XKR4: variants seen among roughly 807,000 people sequenced by gnomAD.
The protein encoded by XKR4 is XK-related protein 4.
In XKR4, 12 loss-of-function variants were observed where a neutral mutation model predicts 53.9. That is an observed-to-expected ratio of 0.22 (90% CI 0.14 to 0.36). The LOEUF (loss-of-function observed/expected upper bound fraction) is 0.36. Ranked by LOEUF, XKR4 falls within the 10% of genes least tolerant of loss-of-function variation. The pLI is 1.00. For missense variants in XKR4, 799 were observed against 859.5 expected, an observed-to-expected ratio of 0.93 and a Z score of 0.88; for synonymous variants, 354 against 362.4, an observed-to-expected ratio of 0.98 and a Z score of 0.26.
intron 1 of XKR4, among the ~76,000 whole-genome samples, chr8:55,184,061 A>G (rs1413130885): frequency 6.6e-6 from 1 of 152,120 alleles, no homozygotes; most frequent in Non-Finnish European, 1.5e-5. Context: ...GAACACGTTT[A>G]TTCTGCATCT....
chr8:55,145,170 T>G (rs1167531110), intron 1 of XKR4, among the ~76,000 whole-genome samples: 1 of 152,130 alleles, frequency 6.6e-6, no homozygotes, highest in Non-Finnish European at 1.5e-5. Context: ...CATGTACTTC[T>G]GCAGGCAGAT....
chr8:55,273,016 G>A (rs1211567159), intron 1 of XKR4: 1 of 387,276 alleles, frequency 2.6e-6, no homozygotes, highest in Admixed American at 3.5e-5. Flanking sequence ...GTCTCTAAGG[G>A]TGTGATGTGG....
At chr8:55,464,558 G>T (rs1430102925) in intron 2 of XKR4, among the ~76,000 whole-genome samples, 1 of 150,202 alleles carries the variant, frequency 6.7e-6, no homozygotes, top group African/African-American at 2.4e-5. Context: ...TGAAACTTGT[G>T]CCTTTGAAAA....
At chr8:55,345,851 A>G (rs1283833714) in intron 1 of XKR4, among the ~76,000 whole-genome samples, 5 of 151,994 alleles carry the variant, frequency 3.3e-5, no homozygotes, top group African/African-American at 4.8e-5. Flanking sequence ...GACAGCCCCA[A>G]CTGTCCCCTA....
In XKR4 at chr8:55,533,576, T is replaced by C. The variant is rs1226252305; in HGVS notation, c.*9349T>C. On this transcript the variant is annotated 3_prime_UTR_variant, in exon 3 of 3. Coordinates refer to ENST00000327381, the MANE Select transcript of XKR4 (RefSeq NM_052898.2). Reference sequence around the variant, plus strand: ...AAGAGGAGGGAAGGCAGCAGTGAGCTGTCACTCAGAAATACAGTCACCACT... The same window carrying C: ...AAGAGGAGGGAAGGCAGCAGTGAGCCGTCACTCAGAAATACAGTCACCACT... 1 of 152,222 alleles carries C rather than the reference T, an allele frequency of 6.6e-6. No individual in the cohort carries two copies. Among genetic ancestry groups the C allele is most frequent in the African/African-American group, 2.4e-5 (1 of 41,464 alleles). The allele number at this position is 152,222 out of a possible 1,614,324, so 9.4% of individuals were successfully genotyped here.
At chr8:55,272,169 A>G (rs1476444376) in intron 1 of XKR4, among the ~76,000 whole-genome samples, 1 of 152,208 alleles carries the variant, frequency 6.6e-6, no homozygotes, top group Non-Finnish European at 1.5e-5. Context: ...TATGCATGAC[A>G]AGCAACTACT....
chr8:55,161,998 A>G (rs1420178781), intron 1 of XKR4, among the ~76,000 whole-genome samples: 1 of 152,190 alleles, frequency 6.6e-6, no homozygotes, highest in Admixed American at 6.5e-5. Context: ...AAGGCTTTAG[A>G]TAGAAGTGTA....
At chr8:55,371,109 T>C (rs896646048) in intron 2 of XKR4, among the ~76,000 whole-genome samples, 3 of 150,662 alleles carry the variant, frequency 2.0e-5, no homozygotes, top group Admixed American at 1.3e-4. Flanking sequence ...GAAGTAGCAA[T>C]GCCATGCTAT....
intron 2 of XKR4, among the ~76,000 whole-genome samples, chr8:55,446,863 A>T (rs1198100756): frequency 6.6e-6 from 1 of 152,222 alleles, no homozygotes; most frequent in Admixed American, 6.5e-5. Flanking sequence ...AGAGTGGAAG[A>T]TAGTCTTCAA....
intron 2 of XKR4, among the ~76,000 whole-genome samples, chr8:55,386,104 C>T (rs1036189606): frequency 3.3e-5 from 5 of 152,194 alleles, no homozygotes; most frequent in Admixed American, 2.6e-4. Context: ...CATCAAAATG[C>T]TTATCCATTT....
chr8:55,141,977 CTA>C, intron 1 of XKR4: 1 of 422,854 alleles, frequency 2.4e-6, no homozygotes, highest in Non-Finnish European at 4.8e-6. Flanking sequence ...CCCCGCCTCT[CTA>C]TTTCCAGGGG....
Position 55,103,032 on chromosome 8 carries a change from G to A in XKR4, c.544G>A (p.Ala182Thr). The change falls in exon 1 of 3, where the codon GCC becomes ACC. Residue 182 changes from alanine to threonine, a missense_variant. Ala to Thr is a moderately conservative substitution (Grantham distance 58). This residue lies in a region of XKR4 where 476 missense variants were observed against 505.4 expected (regional missense o/e 0.94). Transcript: ENST00000327381. ...STEDSATAAA[A>T]SSCPQPGADC... ...CGAGGACAGCGCCACGGCCGCTGCT[G>A]CCTCCAGCTGCCCGCAGCCTGGAGC... The A allele has an allele frequency of 1.9e-6, 3 of 1,612,534 alleles. No individual in the cohort carries two copies. The highest frequency in any genetic ancestry group is 2.5e-6 in the Non-Finnish European group (3 of 1,179,758).
chr8:55,172,913 C>T (rs1817182379), intron 1 of XKR4, among the ~76,000 whole-genome samples: 1 of 152,146 alleles, frequency 6.6e-6, no homozygotes, highest in Non-Finnish European at 1.5e-5. Context: ...GATCTGGTTT[C>T]GTTTCAGTGT....
intron 1 of XKR4, among the ~76,000 whole-genome samples, chr8:55,104,440 A>G (rs1038886051): frequency 6.6e-6 from 1 of 152,128 alleles, no homozygotes; most frequent in African/African-American, 2.4e-5. Context: ...TTTCAATTTT[A>G]TTTGTGGCTA....
Position 55,103,111 on chromosome 8 carries a change from G to T in XKR4, c.623G>T (p.Arg208Leu). Residue 208 changes from arginine (R) to leucine (L), a missense_variant, in exon 1 of 3, where the codon CGT becomes CTT. Physicochemically the swap from Arg to Leu is moderately radical, Grantham distance 102. This residue lies in a region of XKR4 where 476 missense variants were observed against 505.4 expected (regional missense o/e 0.94). Coordinates refer to ENST00000327381, the MANE Select transcript of XKR4 (RefSeq NM_052898.2). ...GGSAAGEGEA[R>L]PSTPQRQASN... ...TCTGCAGCCGGGGAAGGCGAGGCTC[G>T]TCCTTCCACGCCGCAAAGGCAAGCA... is the stretch of plus-strand genomic sequence containing the variant. 1 of 1,613,372 alleles carries T rather than the reference G, an allele frequency of 6.2e-7. No individual in the cohort carries two copies. The highest frequency in any genetic ancestry group is 1.1e-5 in the South Asian group (1 of 91,070).
In XKR4 at chr8:55,419,899, T is replaced by C. The variant is rs75827501; in HGVS notation, c.1006+62022T>C. 7.4e-3 allele frequency among the ~76,000 whole-genome samples: 1,129 copies of C among 152,350 alleles called. 38 individuals are homozygous for C. In the East Asian group the frequency reaches 0.089, roughly 12 times the overall value. On this transcript the variant is annotated intron_variant, in intron 2 of 2. Coordinates refer to ENST00000327381, the MANE Select transcript of XKR4 (RefSeq NM_052898.2). ...TTAGCTGCTTCTTCCAATTTCTTCC[T>C]TCTGTATCCAACTCTTAAACAACAA... is the stretch of plus-strand genomic sequence containing the variant.
At chr8:55,219,636 A>C (rs566814234) in intron 1 of XKR4, among the ~76,000 whole-genome samples, 1 of 152,288 alleles carries the variant, frequency 6.6e-6, no homozygotes, top group Admixed American at 6.5e-5. Context: ...CTTGCAAACC[A>C]ACAACCTCTC....
intron 1 of XKR4, among the ~76,000 whole-genome samples, chr8:55,355,818 G>A (rs187087104): frequency 3.3e-4 from 50 of 152,294 alleles, no homozygotes; most frequent in African/African-American, 1.1e-3. Flanking sequence ...AGCTTGCCTG[G>A]ATTTTCTGCA....
At chr8:55,227,407 C>T (rs555191296) in intron 1 of XKR4, among the ~76,000 whole-genome samples, 3 of 152,328 alleles carry the variant, frequency 2.0e-5, no homozygotes, top group Admixed American at 1.3e-4. Flanking sequence ...AACACTTGCT[C>T]ACTACCCTCC....
Sources: allele counts gnomAD v4.1 joint callset (sites outside exome capture counted in the v4.1 genomes callset), GRCh38; gene constraint gnomAD v4.1.1; regional missense constraint gnomAD v4.1.1; transcripts MANE v1.5; gene names NCBI Gene and HGNC (gene_info 2026-07-23, HGNC 2026-07-21).